The following ISCA1 variants were observed in gnomAD, a reference collection of about 807,000 sequenced individuals.
ISCA1 encodes iron-sulfur cluster assembly 1 homolog, mitochondrial.
Under a neutral mutation model 14.7 loss-of-function variants are expected in ISCA1, and 9 were observed. The observed-to-expected ratio is 0.61, with a 90% CI of 0.37 to 1.07. ISCA1 has a LOEUF of 1.07. Ranked by LOEUF, ISCA1 falls within the 50% of genes least tolerant of loss-of-function variation. The probability of loss-of-function intolerance (pLI) is 0.01; values close to 1 mark genes in which losing one functional copy is unlikely to be tolerated. For synonymous variants in ISCA1, 38 were observed against 54.3 expected, an observed-to-expected ratio of 0.70 and a Z score of 1.32; for missense variants, 102 against 150.1, an observed-to-expected ratio of 0.68 and a Z score of 1.67.
chr9:86,274,773 G>T (rs1018604338), intron 1 of ISCA1, among the ~76,000 whole-genome samples: 2 of 152,016 alleles, frequency 1.3e-5, no homozygotes, highest in Non-Finnish European at 2.9e-5. Context: ...CCCAGGGTGT[G>T]CTTCTTGCAC....
intron 3 of ISCA1, among the ~76,000 whole-genome samples, chr9:86,266,452 A>G (rs1825293864): frequency 6.6e-6 from 1 of 152,200 alleles, no homozygotes; most frequent in Non-Finnish European, 1.5e-5. Flanking sequence ...CAAAATTAGA[A>G]TTTACCTTTC....
chr9:86,272,006 C>G lies in ISCA1; in HGVS notation c.241+1G>C. ...CCAAAAAATGTTTGTTAAAAACTCA[C>G]CATCTTGAATAACTTCTTCATCAGA... On this transcript the variant is annotated splice_donor_variant, in intron 3 of 3. Transcript: ENST00000375991. LOFTEE classifies it high-confidence loss of function. The G allele has an allele frequency of 6.4e-7, 1 of 1,554,272 alleles. No homozygotes were observed. The highest frequency in any genetic ancestry group is 8.9e-7 in the Non-Finnish European group (1 of 1,128,200).
chr9:86,272,779 T>C (rs1825387471), intron 2 of ISCA1, among the ~76,000 whole-genome samples: 1 of 152,214 alleles, frequency 6.6e-6, no homozygotes, highest in South Asian at 2.1e-4. Context: ...ATAACCTATA[T>C]ACATCTTCCC....
At chr9:86,271,001 G>C (rs1825362113) in intron 3 of ISCA1, among the ~76,000 whole-genome samples, 1 of 148,436 alleles carries the variant, frequency 6.7e-6, no homozygotes, top group Admixed American at 6.7e-5. Flanking sequence ...TAAATGATGA[G>C]TTAATGGGTG....
At position 86,282,499 on chromosome 9, in the gene ISCA1, G is replaced by C. The variant is rs776723307; in HGVS notation, c.-41C>G. ...GCCCCGGTGCCTCGGGCCGAAGGTC[G>C]GCCGCCTCAGCTTCTCTCCATGGAC... On this transcript the variant is annotated 5_prime_UTR_variant, in exon 1 of 4. Coordinates refer to ENST00000375991, the MANE Select transcript of ISCA1 (RefSeq NM_030940.4). The C allele has an allele frequency of 3.2e-6, 5 of 1,549,768 alleles. No homozygotes were observed. In the African/African-American group the frequency reaches 6.8e-5, roughly 21 times the overall value.
At chr9:86,272,599 G>T (rs1414907651) in intron 2 of ISCA1, among the ~76,000 whole-genome samples, 1 of 152,204 alleles carries the variant, frequency 6.6e-6, no homozygotes, top group Non-Finnish European at 1.5e-5. Context: ...TTACATTAAT[G>T]CAATTTTCAA....
chr9:86,272,184 CA>C, intron 2 of ISCA1, 72 bp from the exon 3 acceptor site: 1 of 909,630 alleles, frequency 1.1e-6, no homozygotes, highest in South Asian at 1.4e-5. Context: ...AATAAAGTGA[CA>C]GTAGCCTCCT....
chr9:86,280,235 T>C (rs1041018092), intron 1 of ISCA1, among the ~76,000 whole-genome samples: 6 of 151,964 alleles, frequency 3.9e-5, no homozygotes, highest in African/African-American at 1.5e-4. Context: ...ACACAGCAGA[T>C]CTTGATAAAT....
At chr9:86,270,837 G>A (rs11141325) in intron 3 of ISCA1, among the ~76,000 whole-genome samples, 53 of 147,968 alleles carry the variant, frequency 3.6e-4, no homozygotes, top group African/African-American at 1.2e-3. Flanking sequence ...GTAAACTATC[G>A]CAAGGACAAA....
chr9:86,282,353 C>T (rs768690956), intron 1 of ISCA1, 25 bp downstream of exon 1: 1 of 1,537,338 alleles, frequency 6.5e-7, no homozygotes, highest in Non-Finnish European at 8.8e-7. Flanking sequence ...TGTCACGGGC[C>T]CCGCCGCGCG....
intron 1 of ISCA1, among the ~76,000 whole-genome samples, chr9:86,279,123 C>CA (rs1825478329): frequency 6.6e-6 from 1 of 152,218 alleles, no homozygotes; most frequent in Admixed American, 6.5e-5. Flanking sequence ...AACTAACACA[C>CA]AGTTCCTTAC....
At chr9:86,278,515 A>G (rs890799250) in intron 1 of ISCA1, among the ~76,000 whole-genome samples, 9 of 152,074 alleles carry the variant, frequency 5.9e-5, no homozygotes, top group African/African-American at 1.9e-4. Context: ...AAATTAAAAA[A>G]AAAAAATTAG....
chr9:86,270,412 A>G (rs896307015), intron 3 of ISCA1, among the ~76,000 whole-genome samples: 38 of 151,130 alleles, frequency 2.5e-4, no homozygotes, highest in African/African-American at 9.2e-4. Flanking sequence ...CACACCAGTT[A>G]GAATGGCAAT....
chr9:86,275,591 A>G (rs1228425416), intron 1 of ISCA1, among the ~76,000 whole-genome samples: 1 of 152,244 alleles, frequency 6.6e-6, no homozygotes, highest in Non-Finnish European at 1.5e-5. Context: ...AATAGAAAAC[A>G]ATGCACTGCA....
intron 1 of ISCA1, among the ~76,000 whole-genome samples, chr9:86,276,671 G>T (rs1825441503): frequency 6.6e-6 from 1 of 151,954 alleles, no homozygotes; most frequent in Non-Finnish European, 1.5e-5. Flanking sequence ...AGGAGTTTGA[G>T]ACCAGCCTGG....
intron 1 of ISCA1, among the ~76,000 whole-genome samples, chr9:86,276,207 C>T (rs570859228): frequency 6.6e-6 from 1 of 151,918 alleles, no homozygotes; most frequent in Admixed American, 6.6e-5. Context: ...ATAAGGAGTG[C>T]ACAAACTAGC....
chr9:86,276,612 G>A (rs957828780), intron 1 of ISCA1, among the ~76,000 whole-genome samples: 8 of 152,076 alleles, frequency 5.3e-5, no homozygotes, highest in Non-Finnish European at 1.2e-4. Context: ...GGAGGCCGAG[G>A]TGGAAGTATC....
At chr9:86,276,163 G>A (rs1438018939) in intron 1 of ISCA1, among the ~76,000 whole-genome samples, 4 of 151,486 alleles carry the variant, frequency 2.6e-5, no homozygotes, top group Non-Finnish European at 5.9e-5. Context: ...TAGGGGTGAT[G>A]AGAGACAGTG....
intron 1 of ISCA1, among the ~76,000 whole-genome samples, chr9:86,275,994 A>C (rs931784269): frequency 2.0e-5 from 3 of 152,196 alleles, no homozygotes; most frequent in Non-Finnish European, 2.9e-5. Flanking sequence ...TCCACGGATA[A>C]GGGGAATGGT....
Sources: allele counts gnomAD v4.1 joint callset (sites outside exome capture counted in the v4.1 genomes callset), GRCh38; gene constraint gnomAD v4.1.1; transcripts MANE v1.5; gene names NCBI Gene and HGNC (gene_info 2026-07-23, HGNC 2026-07-21).